The following GAB2 variants were observed in gnomAD, a reference collection of about 807,000 sequenced individuals.
GAB2 encodes the protein GRB2-associated-binding protein 2.
A neutral mutation model predicts 65.5 loss-of-function variants in GAB2; 26 were observed. The ratio of observed to expected loss-of-function variants is 0.40; its 90% CI spans 0.29 to 0.55. The LOEUF is 0.55. Ranked by LOEUF, GAB2 falls within the 20% of genes least tolerant of loss-of-function variation. The pLI, the probability that GAB2 is intolerant of heterozygous loss-of-function variation, is 0.53. For synonymous variants in GAB2, 321 were observed against 329.6 expected, an observed-to-expected ratio of 0.97 and a Z score of 0.28; for missense variants, 884 against 875.8, an observed-to-expected ratio of 1.01 and a Z score of -0.12.
chr11:78,355,680 TAAAA>T (rs67850407), intron 1 of GAB2, among the ~76,000 whole-genome samples: 1 of 79,138 alleles, frequency 1.3e-5, no homozygotes, highest in Admixed American at 1.7e-4. Flanking sequence ...CTGTCTCACT[TAAAA>T]AAAAAAAAAA....
intron 2 of GAB2, among the ~76,000 whole-genome samples, chr11:78,257,789 C>T (rs1865631435): frequency 6.6e-6 from 1 of 152,048 alleles, no homozygotes; most frequent in Admixed American, 6.5e-5. Flanking sequence ...TCTAGTCTAC[C>T]CTGTGAGGTA....
chr11:78,390,433 A>G (rs551106384), intron 1 of GAB2, among the ~76,000 whole-genome samples: 1 of 152,308 alleles, frequency 6.6e-6, no homozygotes, highest in Non-Finnish European at 1.5e-5. Flanking sequence ...AAAAAAGAAA[A>G]TAAAAATTAG....
intron 1 of GAB2, among the ~76,000 whole-genome samples, chr11:78,337,278 T>C (rs778129612): frequency 2.0e-5 from 3 of 152,190 alleles, no homozygotes; most frequent in Non-Finnish European, 4.4e-5. Flanking sequence ...TTAAATCAAA[T>C]GTCCAAAAAG....
At chr11:78,241,911 A>C (rs926738280) in intron 3 of GAB2, among the ~76,000 whole-genome samples, 1 of 152,196 alleles carries the variant, frequency 6.6e-6, no homozygotes, top group Non-Finnish European at 1.5e-5. Flanking sequence ...TAGACAGAAA[A>C]TCAACAGGGA....
chr11:78,308,832 C>G (rs143262382), intron 1 of GAB2, among the ~76,000 whole-genome samples: 103 of 152,090 alleles, frequency 6.8e-4, no homozygotes, highest in African/African-American at 2.2e-3. Context: ...AATTTTTTGA[C>G]CTGGGTGGTA....
chr11:78,353,976 T>C (rs1229220540), intron 1 of GAB2, among the ~76,000 whole-genome samples: 3 of 152,268 alleles, frequency 2.0e-5, no homozygotes, highest in African/African-American at 7.2e-5. Flanking sequence ...GAATTTGTGA[T>C]TCAGTAGCTC....
At chr11:78,379,590 T>C (rs1856672633) in intron 1 of GAB2, among the ~76,000 whole-genome samples, 1 of 152,230 alleles carries the variant, frequency 6.6e-6, no homozygotes, top group Non-Finnish European at 1.5e-5. Flanking sequence ...TTCAACAAGC[T>C]ACTATATTTC....
intron 2 of GAB2, among the ~76,000 whole-genome samples, chr11:78,272,836 C>G (rs985241612): frequency 6.6e-6 from 1 of 152,040 alleles, no homozygotes; most frequent in Non-Finnish European, 1.5e-5. Flanking sequence ...TTTTGTGGGC[C>G]GGGCCCAGGG....
At chr11:78,243,603 G>A (rs1480732812) in intron 3 of GAB2, among the ~76,000 whole-genome samples, 1 of 152,182 alleles carries the variant, frequency 6.6e-6, no homozygotes, top group Non-Finnish European at 1.5e-5. Context: ...CACTTTGGGA[G>A]GCCGAGGCGG....
intron 1 of GAB2, among the ~76,000 whole-genome samples, chr11:78,338,653 A>C (rs1275761060): frequency 6.6e-6 from 1 of 152,214 alleles, no homozygotes; most frequent in Non-Finnish European, 1.5e-5. Context: ...CAAAGCCCTG[A>C]CCTTAACCAA....
intron 1 of GAB2, among the ~76,000 whole-genome samples, chr11:78,322,298 C>CAAAAAAAAAAAAAAAAAAAA (rs56709163): frequency 1.7e-4 from 2 of 12,076 alleles, no homozygotes; most frequent in Non-Finnish European, 2.3e-4. Context: ...GACTCTGTCT[C>CAAAAAAAAAAAAAAAAAAAA]AAAAAAAAAA....
At chr11:78,408,356 G>GTA (rs1394341791) in intron 1 of GAB2, among the ~76,000 whole-genome samples, 1 of 152,090 alleles carries the variant, frequency 6.6e-6, no homozygotes, top group African/African-American at 2.4e-5. Flanking sequence ...TGTATGTACA[G>GTA]TATAATACCT....
At chr11:78,225,949 T>C (rs193121414) in intron 4 of GAB2, among the ~76,000 whole-genome samples, 4 of 152,322 alleles carry the variant, frequency 2.6e-5, no homozygotes, top group Admixed American at 6.5e-5. Flanking sequence ...GTTGGAATAC[T>C]CTCAGTGGAA....
At chr11:78,405,183 C>T (rs560470528) in intron 1 of GAB2, among the ~76,000 whole-genome samples, 1 of 149,862 alleles carries the variant, frequency 6.7e-6, no homozygotes, top group South Asian at 2.1e-4. Context: ...ACTGCAAGCT[C>T]CACCTCCCCG....
chr11:78,417,586 C>A, intron 1 of GAB2, 60 bp downstream of exon 1: 1 of 947,886 alleles, frequency 1.1e-6, no homozygotes, highest in Non-Finnish European at 1.4e-6. Flanking sequence ...GAGTCCCCCG[C>A]CCCTCCGCAG....
intron 3 of GAB2, among the ~76,000 whole-genome samples, chr11:78,243,270 C>G (rs573491898): frequency 1.3e-5 from 2 of 151,432 alleles, no homozygotes; most frequent in East Asian, 3.9e-4. Flanking sequence ...GAGTTAGAGA[C>G]CAACCTGGCC....
chr11:78,395,705 G>T (rs1193313285), intron 1 of GAB2, among the ~76,000 whole-genome samples: 1 of 152,148 alleles, frequency 6.6e-6, no homozygotes, highest in Non-Finnish European at 1.5e-5. Context: ...GTTCATGTTT[G>T]CACCCCTCTA....
Position 78,215,515 on chromosome 11 carries a change from A to AAATT in GAB2, c.*3753_*3756dup, listed in dbSNP as rs1178677573. 4.6e-5 allele frequency: 7 copies of AAATT among 152,666 alleles called. No homozygotes were observed. Among genetic ancestry groups the AAATT allele is most frequent in the Non-Finnish European group, 8.8e-5 (6 of 68,038 alleles). 9.5% of individuals were successfully genotyped at this position (152,666 alleles called of 1,614,324 possible). ...TGATTAGGCACCAACAGTGATTTGA[A>AAATT]AATTAAATGTCAATTTTAAATGGTA... On this transcript the variant is annotated 3_prime_UTR_variant, in exon 10 of 10. Transcript: ENST00000361507.
At chr11:78,274,581 T>G (rs1866114957) in intron 2 of GAB2, among the ~76,000 whole-genome samples, 1 of 152,196 alleles carries the variant, frequency 6.6e-6, no homozygotes, top group South Asian at 2.1e-4. Flanking sequence ...AGTTGAGACT[T>G]TATTAAGTGA....
Sources: allele counts gnomAD v4.1 joint callset (sites outside exome capture counted in the v4.1 genomes callset), GRCh38; gene constraint gnomAD v4.1.1; transcripts MANE v1.5; gene names NCBI Gene and HGNC (gene_info 2026-07-23, HGNC 2026-07-21).